Variants in GSDME observed in about 807,000 individuals in gnomAD.
GSDME encodes gasdermin E.
In GSDME, 44 loss-of-function variants were observed where a neutral mutation model predicts 47.5. That is an observed-to-expected ratio of 0.93 (90% CI 0.73 to 1.19). GSDME has a LOEUF of 1.19. Ranked by LOEUF, GSDME falls within the 50% of genes most tolerant of loss-of-function variation. The pLI is 0.00. For missense variants in GSDME, 663 were observed against 604.2 expected, an observed-to-expected ratio of 1.10 and a Z score of -1.02; for synonymous variants, 258 against 252.8, an observed-to-expected ratio of 1.02 and a Z score of -0.20.
At chr7:24,781,391 C>T in the GSDME span, among the ~76,000 whole-genome samples, 3 of 152,200 alleles carry the variant, frequency 2.0e-5, no homozygotes, top group Non-Finnish European at 4.4e-5. Flanking sequence ...GTGAGACATG[C>T]AGCTTACAGT....
In GSDME at chr7:24,717,268, AG is replaced by A. The variant is rs766776470; in HGVS notation, c.682del (p.Leu228TrpfsTer39). ...GTGGCACTCACCGAACTGGCCGTCC[AG>A]TTTCACGTATAACTCAATGACACCG... ...AYGVIELYVK[L>X]DGQFEFCLLR... On this transcript the variant is annotated frameshift_variant, in exon 5 of 10. Transcript: ENST00000645220. LOFTEE classifies it high-confidence loss of function. 4 of 1,613,962 alleles carry A rather than the reference AG, an allele frequency of 2.5e-6. No homozygotes were observed. Among genetic ancestry groups the A allele is most frequent in the Non-Finnish European group, 3.4e-6 (4 of 1,180,016 alleles).
At chr7:24,762,115 G>A (rs529495532), upstream of GSDME, among the ~76,000 whole-genome samples, 3 of 152,052 alleles carry the variant, frequency 2.0e-5, no homozygotes, top group Admixed American at 6.5e-5. Flanking sequence ...ATTAGCCAGT[G>A]TGATGGTGCA....
the GSDME span, among the ~76,000 whole-genome samples, chr7:24,770,671 C>A: frequency 6.6e-6 from 1 of 151,526 alleles, no homozygotes; most frequent in African/African-American, 2.4e-5. This position sits in a 1 kb window ranked among gnomAD's most constrained non-coding sequence, Gnocchi z 4.6. Flanking sequence ...CCAGAAAGAA[C>A]CTAAGAGTAA....
intron 9 of GSDME, among the ~76,000 whole-genome samples, chr7:24,699,894 A>G (rs929874665): frequency 6.6e-6 from 1 of 152,206 alleles, no homozygotes; most frequent in Non-Finnish European, 1.5e-5. Context: ...GAACTTTCTT[A>G]TATCTTTGCA....
chr7:24,715,717 C>T (rs1015481718), intron 5 of GSDME: 2 of 318,520 alleles, frequency 6.3e-6, no homozygotes, highest in Non-Finnish European at 1.3e-5. Context: ...ATAACGAAAA[C>T]GCCCCAGAGG....
chr7:24,749,219 C>T (rs1383531453), intron 2 of GSDME, among the ~76,000 whole-genome samples: 1 of 151,936 alleles, frequency 6.6e-6, no homozygotes, highest in Non-Finnish European at 1.5e-5. Flanking sequence ...GAAGAATCAT[C>T]GACCAGGCAT....
Position 24,699,085 on chromosome 7 carries a change from G to T in GSDME, c.1432C>A (p.Pro478Thr), listed in dbSNP as rs781694856. The T allele has an allele frequency of 1.9e-6, 3 of 1,614,078 alleles. No homozygotes were observed. The East Asian group carries it at 6.7e-5, about 36-fold the overall frequency. The change falls in exon 10 of 10, where the codon CCA (proline) becomes ACA (threonine). Residue 478 changes from proline (P) to threonine (T), a missense_variant. Transcript: ENST00000645220. ...AVILKDSKVF[P>T]LLLCITLNGL... ...TTCAGGGTTATACAAAGAAGCAGTG[G>T]GAAGACTTTAGAGTCCTTCAGAATG... is the stretch of plus-strand genomic sequence containing the variant.
rs538502935 is a variant in GSDME, at chr7:24,698,597, A to G, written c.*429T>C. On this transcript the variant is annotated 3_prime_UTR_variant, in exon 10 of 10. Coordinates refer to ENST00000645220, the MANE Select transcript of GSDME (RefSeq NM_001127453.2). The stretch of plus-strand genomic sequence containing the variant: ...TCATCAAATAACATACATCACTTCC[A>G]AAACGTAGCCTCTTGTGTGCAGAGA... 8.7e-5 allele frequency: 23 copies of G among 265,550 alleles called. 1 individual carries two copies. The East Asian group carries it at 2.1e-3, about 24-fold the overall frequency. The allele number at this position is 265,550 out of a possible 1,614,324, so 16.4% of individuals were successfully genotyped here.
At chr7:24,729,256 G>A (rs1351303868) in intron 3 of GSDME, among the ~76,000 whole-genome samples, 1 of 152,270 alleles carries the variant, frequency 6.6e-6, no homozygotes, top group Non-Finnish European at 1.5e-5. Flanking sequence ...TCTGTGCATA[G>A]AAGTTGGATC....
chr7:24,733,274 A>G lies in GSDME; in HGVS notation c.404+11288T>C, dbSNP rs977858563. 3.9e-5 allele frequency among the ~76,000 whole-genome samples: 6 copies of G among 152,014 alleles called. No individual in the cohort carries two copies. Among genetic ancestry groups the G allele is most frequent in the Non-Finnish European group, 8.8e-5 (6 of 67,996 alleles). ...CCCTGCATGATCTGCAACAGTAACCAGGCAATACATGCCATGAGCCTTGGG... is the reference window on the plus strand; with the variant it reads ...CCCTGCATGATCTGCAACAGTAACCGGGCAATACATGCCATGAGCCTTGGG... On this transcript the variant is annotated intron_variant, in intron 3 of 9. Transcript: ENST00000645220. The surrounding 1 kb of genome is among the most constrained non-coding windows in gnomAD (Gnocchi z 4.3).
intron 8 of GSDME, 141 bp downstream of exon 8, chr7:24,706,043 A>AC (rs1789084757): frequency 1.9e-6 from 2 of 1,067,788 alleles, no homozygotes; most frequent in Admixed American, 4.0e-5. Context: ...CCCACCTCTT[A>AC]CCCTCCCTGT....
At chr7:24,731,951 G>T (rs1165651159) in intron 3 of GSDME, among the ~76,000 whole-genome samples, 1 of 152,014 alleles carries the variant, frequency 6.6e-6, no homozygotes, top group Non-Finnish European at 1.5e-5. Flanking sequence ...CCTGAATTCG[G>T]CCTAAAAATA....
At position 24,702,815 on chromosome 7, in the gene GSDME, G is replaced by A; in HGVS notation, c.1202C>T (p.Ala401Val). ...TTTGCAGCAAGTGCCCAGCAGAGCT[G>A]CTGCGCTATCTGGCATTTCTGCAGG... ...SALAEMPDSA[A>V]ALLGTCCKLQ... Residue 401 changes from alanine (A) to valine (V), a missense_variant, in exon 9 of 10, where the codon GCA becomes GTA. Ala to Val is a moderately conservative substitution (Grantham distance 64). Coordinates refer to ENST00000645220, the MANE Select transcript of GSDME (RefSeq NM_001127453.2). 6.2e-7 allele frequency: 1 copy of A among 1,613,512 alleles called. No homozygotes were observed. The highest frequency in any genetic ancestry group is 8.5e-7 in the Non-Finnish European group (1 of 1,179,622).
the GSDME span, among the ~76,000 whole-genome samples, chr7:24,775,037 G>A: frequency 6.6e-6 from 1 of 152,154 alleles, no homozygotes; most frequent in South Asian, 2.1e-4. Flanking sequence ...TGGTTTCTTT[G>A]TCTTCTGGTG....
chr7:24,791,269 T>C, the GSDME span, among the ~76,000 whole-genome samples: 1 of 152,166 alleles, frequency 6.6e-6, no homozygotes, highest in African/African-American at 2.4e-5. The surrounding 1 kb of genome is among the most constrained non-coding windows in gnomAD (Gnocchi z 4.8). Context: ...CTGTACCAAG[T>C]CAGCCACAAA....
chr7:24,774,184 A>G, the GSDME span, among the ~76,000 whole-genome samples: 7,004 of 151,902 alleles, frequency 0.046, 359 homozygotes, highest in East Asian at 0.13. Flanking sequence ...TCCTGTTGGC[A>G]TCACTCATTT....
At chr7:24,781,770 G>T in the GSDME span, among the ~76,000 whole-genome samples, 1 of 151,708 alleles carries the variant, frequency 6.6e-6, no homozygotes, top group Non-Finnish European at 1.5e-5. Context: ...TGGGGACAAG[G>T]TTTCACTCTG....
chr7:24,744,923 C>T lies in GSDME; in HGVS notation c.212-169G>A, dbSNP rs1056448488. 1.3e-3 allele frequency among the ~76,000 whole-genome samples: 176 copies of T among 140,206 alleles called. No individual in the cohort carries two copies. Among genetic ancestry groups the T allele is most frequent in the Admixed American group, 2.3e-3 (32 of 14,106 alleles). The allele number at this position is 140,206 out of a possible 152,430, so 92.0% of individuals were successfully genotyped here. On this transcript the variant is annotated intron_variant, in intron 2 of 9. Coordinates refer to ENST00000645220, the MANE Select transcript of GSDME (RefSeq NM_001127453.2). The surrounding 1 kb of genome is among the most constrained non-coding windows in gnomAD (Gnocchi z 4.5). ...GTGTGGGCAAGAAAACAGGGCAGCA[C>T]GTGTGTGTGTGTGTGTGTGTGTGTG...
chr7:24,769,642 T>C, the GSDME span, among the ~76,000 whole-genome samples: 1 of 152,160 alleles, frequency 6.6e-6, no homozygotes, highest in Non-Finnish European at 1.5e-5. Flanking sequence ...CCCAGCCCTA[T>C]ACCTCTCCAC....
Sources: allele counts gnomAD v4.1 joint callset (sites outside exome capture counted in the v4.1 genomes callset), GRCh38; gene constraint gnomAD v4.1.1; non-coding constraint Gnocchi (gnomAD v3.1); transcripts MANE v1.5; gene names NCBI Gene and HGNC (gene_info 2026-07-23, HGNC 2026-07-21).